PLXNA4: variants seen among roughly 807,000 people sequenced by gnomAD.
The protein encoded by PLXNA4 is plexin A4.
In PLXNA4, 44 loss-of-function variants were observed where a neutral mutation model predicts 191.8. The ratio of observed to expected loss-of-function variants is 0.23; its 90% confidence interval spans 0.18 to 0.29. PLXNA4 has a LOEUF of 0.29. Ranked by LOEUF, PLXNA4 falls within the 10% of genes least tolerant of loss-of-function variation. The probability of loss-of-function intolerance (pLI) is 1.00; values close to 1 mark genes in which losing one functional copy is unlikely to be tolerated. For synonymous variants in PLXNA4, 1,082 were observed against 1,009.5 expected (o/e 1.07, Z -1.36); for missense variants, 1,800 against 2,488.8 (o/e 0.72, Z 5.89).
chr7:132,170,745 G>A (rs963510614), intron 21 of PLXNA4, among the ~76,000 whole-genome samples: 1 of 152,178 alleles, frequency 6.6e-6, no homozygotes, highest in Non-Finnish European at 1.5e-5. Context: ...TGCACAGAAG[G>A]GCTGTCATTG....
chr7:132,193,943 G>A, intron 14 of PLXNA4, 119 bp downstream of exon 14: 1 of 1,301,352 alleles, frequency 7.7e-7, no homozygotes, highest in South Asian at 1.6e-5. Context: ...TGAACTGAGG[G>A]AGGTTGCAGG....
intron 4 of PLXNA4, among the ~76,000 whole-genome samples, chr7:132,282,605 T>C (rs896073754): frequency 1.3e-5 from 1 of 76,138 alleles, no homozygotes; most frequent in Non-Finnish European, 2.4e-5. Context: ...CCAGACCTTG[T>C]CTCAGAAAAA....
At chr7:132,562,838 C>T (rs1367222360) in intron 1 of PLXNA4, among the ~76,000 whole-genome samples, 13 of 86,330 alleles carry the variant, frequency 1.5e-4, no homozygotes, top group African/African-American at 1.8e-4. Context: ...TCTCCTCCTC[C>T]TTCTCTTCCT....
chr7:132,435,886 C>T (rs1334453389), intron 3 of PLXNA4, among the ~76,000 whole-genome samples: 1 of 152,230 alleles, frequency 6.6e-6, no homozygotes, highest in East Asian at 1.9e-4. Flanking sequence ...CCAGGGTCAG[C>T]AGCCAGCCAG....
At chr7:132,555,101 A>G (rs948521891) in intron 1 of PLXNA4, among the ~76,000 whole-genome samples, 1 of 147,572 alleles carries the variant, frequency 6.8e-6, no homozygotes, top group African/African-American at 2.5e-5. Flanking sequence ...CAAAAAAACC[A>G]CATTATCTAA....
intron 13 of PLXNA4, among the ~76,000 whole-genome samples, chr7:132,195,250 A>G (rs745566305): frequency 2.0e-4 from 30 of 152,338 alleles, no homozygotes; most frequent in Non-Finnish European, 3.5e-4. Flanking sequence ...TGCTCAGCAC[A>G]ATAGCATGGA....
intron 5 of PLXNA4, among the ~76,000 whole-genome samples, chr7:132,234,596 T>TTGTCTG (rs1798634267): frequency 6.9e-6 from 1 of 144,158 alleles, no homozygotes; most frequent in African/African-American, 2.6e-5. Flanking sequence ...AGCATGTGTT[T>TTGTCTG]TGTGTGTGTG....
intron 3 of PLXNA4, among the ~76,000 whole-genome samples, chr7:132,432,416 A>T (rs1472469881): frequency 6.6e-6 from 1 of 152,196 alleles, no homozygotes; most frequent in Non-Finnish European, 1.5e-5. Flanking sequence ...CTACTCCTGC[A>T]TTGCCATCTG....
chr7:132,520,699 A>G (rs1393104326), intron 1 of PLXNA4, among the ~76,000 whole-genome samples: 1 of 152,146 alleles, frequency 6.6e-6, no homozygotes, highest in Non-Finnish European at 1.5e-5. Flanking sequence ...GAGTCCATAC[A>G]CTCAGATCCT....
intron 3 of PLXNA4, chr7:132,383,727 T>C (rs1452083770): frequency 2.0e-6 from 2 of 983,948 alleles, no homozygotes; most frequent in African/African-American, 3.5e-5. Context: ...ATGTGTATCT[T>C]GGTGATTATT....
rs1562885401 is a variant in PLXNA4, at chr7:132,151,561, AAGGAGGAGGAGGAGAAAGG to A, written c.4661-2934_4661-2916del. Among the ~76,000 whole-genome samples the A allele has an allele frequency of 3.6e-4, 21 of 58,046 alleles. No homozygotes were observed. The South Asian group carries it at 5.1e-3, about 14-fold the overall frequency. The allele number at this position is 58,046 out of a possible 152,430, so 38.1% of individuals were successfully genotyped here. A position where few individuals can be genotyped will look rare whatever the true frequency, so the allele number is the denominator to read the frequency against. The stretch of plus-strand genomic sequence containing the variant: ...AGGAGGAGAAAGGAGGAGGAGGAGA[AAGGAGGAGGAGGAGAAAGG>A]AGGAGGAGAAAGGAGGAGAGGGAGA... On this transcript the variant is annotated intron_variant, in intron 25 of 31. Coordinates refer to ENST00000321063, the MANE Select transcript of PLXNA4 (RefSeq NM_020911.2).
chr7:132,309,463 C>T (rs928921848), intron 3 of PLXNA4, among the ~76,000 whole-genome samples: 7 of 152,118 alleles, frequency 4.6e-5, no homozygotes, highest in Non-Finnish European at 8.8e-5. Flanking sequence ...GCCTCTATTG[C>T]CTCATCCTAC....
intron 2 of PLXNA4, among the ~76,000 whole-genome samples, chr7:132,505,334 C>A (rs536394555): frequency 6.6e-6 from 1 of 152,326 alleles, no homozygotes; most frequent in South Asian, 2.1e-4. Flanking sequence ...GCAACGGCAG[C>A]ACGAACACTT....
At chr7:132,365,443 C>G (rs997762506) in intron 3 of PLXNA4, among the ~76,000 whole-genome samples, 2 of 151,882 alleles carry the variant, frequency 1.3e-5, no homozygotes, top group Admixed American at 6.6e-5. Flanking sequence ...CTATGCTCAC[C>G]TCTGTCTTCA....
At chr7:132,467,331 G>A (rs1024642277) in intron 3 of PLXNA4, among the ~76,000 whole-genome samples, 2 of 152,164 alleles carry the variant, frequency 1.3e-5, no homozygotes, top group Non-Finnish European at 2.9e-5. Context: ...CAGCCAAGGT[G>A]ACCCATTAGG....
intron 1 of PLXNA4, among the ~76,000 whole-genome samples, chr7:132,561,503 ACCTCCTCCTCCTCCTTCT>A (rs1193861119): frequency 8.1e-4 from 15 of 18,516 alleles, no homozygotes; most frequent in African/African-American, 3.4e-3. Flanking sequence ...CTCCTCCCCC[ACCTCCTCCTCCTCCTTCT>A]CCTCCTCCTC....
intron 29 of PLXNA4, among the ~76,000 whole-genome samples, chr7:132,144,191 T>C (rs1795354615): frequency 6.6e-6 from 1 of 152,176 alleles, no homozygotes; most frequent in South Asian, 2.1e-4. Context: ...GAGGCAGTTC[T>C]GGAAGCAATG....
chr7:132,303,114 C>T (rs894579679), intron 3 of PLXNA4, among the ~76,000 whole-genome samples: 1 of 151,824 alleles, frequency 6.6e-6, no homozygotes, highest in African/African-American at 2.4e-5. Flanking sequence ...ACCTCGTGAT[C>T]TGCCCGCCTC....
At chr7:132,283,267 C>T (rs1277933178) in intron 4 of PLXNA4, among the ~76,000 whole-genome samples, 1 of 152,190 alleles carries the variant, frequency 6.6e-6, no homozygotes, top group Non-Finnish European at 1.5e-5. Context: ...CAAAGTGATA[C>T]ATGAATTCCT....
Sources: gnomAD v4.1 joint callset for allele counts (sites outside exome capture counted in the v4.1 genomes callset) on GRCh38, gnomAD v4.1.1 for gene constraint, MANE v1.5 for transcripts, NCBI Gene and HGNC (gene_info 2026-07-23, HGNC 2026-07-21) for gene names.